Variants in FRMPD3 observed in about 807,000 individuals in gnomAD.
The protein encoded by FRMPD3 is FERM and PDZ domain-containing protein 3.
FRMPD3 carries 42 observed loss-of-function variants against 97.9 expected under a neutral mutation model. The observed-to-expected ratio is 0.43, with a 90% CI of 0.34 to 0.55. FRMPD3 has a LOEUF of 0.55. Ranked by LOEUF, FRMPD3 falls within the 20% of genes least tolerant of loss-of-function variation. The pLI, the probability that FRMPD3 is intolerant of heterozygous loss-of-function variation, is 0.03. For synonymous variants in FRMPD3, 577 were observed against 581.1 expected (o/e 0.99, Z 0.10); for missense variants, 1,303 against 1,457.7 (o/e 0.89, Z 1.73).
At chrX:107,553,924 A>G (rs1006502828) in intron 7 of FRMPD3, among the ~76,000 whole-genome samples, 1 of 112,397 alleles carries the variant, frequency 8.9e-6, no homozygotes, top group African/African-American at 3.2e-5. Context: ...CAGGTTCAAC[A>G]ATTATCAATA....
chrX:107,485,644 A>G (rs1465778140), intron 1 of FRMPD3, among the ~76,000 whole-genome samples: 1 of 111,848 alleles, frequency 8.9e-6, no homozygotes, highest in Non-Finnish European at 1.9e-5. Context: ...CATCTGATCA[A>G]TTTTAGCTCC....
chrX:107,553,858 T>G (rs1921965998), intron 7 of FRMPD3, among the ~76,000 whole-genome samples: 1 of 112,100 alleles, frequency 8.9e-6, no homozygotes, highest in Non-Finnish European at 1.9e-5. Flanking sequence ...ATGAAAACTT[T>G]CACACATACA....
At chrX:107,551,221 G>T (rs370338311) in intron 6 of FRMPD3, among the ~76,000 whole-genome samples, 10 of 111,134 alleles carry the variant, frequency 9.0e-5, no homozygotes, top group African/African-American at 3.3e-4. Context: ...GAATTTTTTT[G>T]AAAGGCTTAG....
chrX:107,477,030 A>C (rs1478609172), intron 1 of FRMPD3, among the ~76,000 whole-genome samples: 1 of 112,249 alleles, frequency 8.9e-6, no homozygotes, highest in Non-Finnish European at 1.9e-5. Context: ...AGCCTAGGTG[A>C]CTTGAGAGAA....
intron 8 of FRMPD3, 125 bp from the exon 9 acceptor site, chrX:107,560,132 C>T: frequency 1.2e-6 from 1 of 838,689 alleles, no homozygotes; most frequent in South Asian, 2.4e-5. Context: ...GCTCCTTCCT[C>T]TGTCCCTTGA....
At chrX:107,462,859 T>G (rs980785756) in intron 1 of FRMPD3, among the ~76,000 whole-genome samples, 9 of 112,002 alleles carry the variant, frequency 8.0e-5, no homozygotes, top group Non-Finnish European at 1.3e-4. Flanking sequence ...GTATTTCTCC[T>G]GATTTCACCA....
chrX:107,529,214 C>T, intron 2 of FRMPD3, among the ~76,000 whole-genome samples: 1 of 111,895 alleles, frequency 8.9e-6, no homozygotes, highest in African/African-American at 3.2e-5. Context: ...CTTGTGGTAT[C>T]CCTCTACCCT....
chrX:107,516,722 TG>T (rs1344334997), intron 1 of FRMPD3, among the ~76,000 whole-genome samples: 1 of 110,765 alleles, frequency 9.0e-6, no homozygotes, highest in Non-Finnish European at 1.9e-5. Context: ...TTGATGGGGT[TG>T]TTTTTTTTTT....
chrX:107,554,251 C>T (rs1477517285), intron 7 of FRMPD3, 134 bp from the exon 8 acceptor site: 10 of 645,345 alleles, frequency 1.5e-5, no homozygotes, highest in Non-Finnish European at 2.3e-5. Flanking sequence ...TCAGCCAGGT[C>T]GGAGACAGAG....
At position 107,603,612 on chromosome X, in the gene FRMPD3, A is replaced by G; in HGVS notation, c.*239A>G. ...GGCCTCTGGGCCTCACTGTGAGGGC[A>G]AAGGCCCCTCTTCACTCTGCTCACA... is the stretch of plus-strand genomic sequence containing the variant. On this transcript the variant is annotated 3_prime_UTR_variant, in exon 15 of 15. Transcript: ENST00000683843. The G allele has an allele frequency of 6.2e-6, 3 of 486,285 alleles. No homozygotes were observed. Among genetic ancestry groups the G allele is most frequent in the Non-Finnish European group, 9.5e-6 (3 of 316,518 alleles). 40.1% of individuals were successfully genotyped at this position (486,285 alleles called of 1,213,427 possible).
rs1354517218 is a variant in FRMPD3 at position 107,501,009 on chromosome X, CTAGT to C, written c.-7-25569_-7-25566del. Among the ~76,000 whole-genome samples the C allele has an allele frequency of 1.1e-4, 12 of 111,397 alleles. 1 individual carries two copies. The Admixed American group carries it at 1.1e-3, about 11-fold the overall frequency. On this transcript the variant is annotated intron_variant, in intron 1 of 14. Coordinates refer to ENST00000683843, the MANE Select transcript of FRMPD3 (RefSeq NM_001388459.1). ...GACAGCAAATATCTATCCTTCACCTCTAGTTAGACCCCATGGCTTCCTTAATCAG... is the reference window on the plus strand; with the variant it reads ...GACAGCAAATATCTATCCTTCACCTCTAGACCCCATGGCTTCCTTAATCAG...
chrX:107,495,112 G>A (rs996147747), intron 1 of FRMPD3, among the ~76,000 whole-genome samples: 1 of 112,209 alleles, frequency 8.9e-6, no homozygotes, highest in Non-Finnish European at 1.9e-5. Flanking sequence ...AACTCTTTCA[G>A]CAACACTGGA....
At position 107,603,560 on chromosome X, in the gene FRMPD3, C is replaced by T. The variant is rs1264194939; in HGVS notation, c.*187C>T. The T allele has an allele frequency of 3.4e-5, 31 of 907,151 alleles. No homozygotes were observed. The highest frequency in any genetic ancestry group is 6.3e-5 in the South Asian group (2 of 31,872). The allele number at this position is 907,151 out of a possible 1,213,427, so 74.8% of individuals were successfully genotyped here. ...TCTTAAGGGCTGCAGGCTTAGCTGC[C>T]GCCCTGGGTGTCCTCACCCCTTCCC... On this transcript the variant is annotated 3_prime_UTR_variant, in exon 15 of 15. Transcript: ENST00000683843.
chrX:107,482,394 GTCTCAGTCTGAAGCTCCTGA>G (rs1487425017), intron 1 of FRMPD3, among the ~76,000 whole-genome samples: 9 of 111,934 alleles, frequency 8.0e-5, no homozygotes, highest in Non-Finnish European at 1.7e-4. Flanking sequence ...ATCTCCCTTG[GTCTCAGTCTGAAGCTCCTGA>G]TCTCAGTCTG....
chrX:107,579,882 A>G (rs1923304718), intron 13 of FRMPD3, among the ~76,000 whole-genome samples: 1 of 111,952 alleles, frequency 8.9e-6, no homozygotes, highest in African/African-American at 3.2e-5. Context: ...GTTAATGGCT[A>G]CTATATATCC....
intron 1 of FRMPD3, among the ~76,000 whole-genome samples, chrX:107,513,846 G>A (rs1187558055): frequency 8.9e-6 from 1 of 112,399 alleles, no homozygotes; most frequent in African/African-American, 3.2e-5. Context: ...TCAAGTGGAG[G>A]AGATATACTG....
chrX:107,576,822 A>C (rs1025136520), intron 13 of FRMPD3, among the ~76,000 whole-genome samples: 1 of 111,770 alleles, frequency 8.9e-6, no homozygotes, highest in African/African-American at 3.3e-5. Context: ...GCTCAGTTGA[A>C]GTGAAGATGA....
chrX:107,513,293 C>G (rs924607223), intron 1 of FRMPD3: 1 of 111,372 alleles, frequency 9.0e-6, no homozygotes, highest in African/African-American at 3.3e-5. Context: ...CGATGCCTCT[C>G]CAAGCTCAGC....
chrX:107,474,566 T>G (rs756517060), intron 1 of FRMPD3, among the ~76,000 whole-genome samples: 11 of 111,053 alleles, frequency 9.9e-5, no homozygotes, highest in African/African-American at 2.9e-4. Context: ...ATAGGAAGAA[T>G]TTGGGGGCAA....
Sources: allele counts gnomAD v4.1 joint callset (sites outside exome capture counted in the v4.1 genomes callset), GRCh38; gene constraint gnomAD v4.1.1; transcripts MANE v1.5; gene names NCBI Gene and HGNC (gene_info 2026-07-23, HGNC 2026-07-21).